The following E2F3 variants were observed in gnomAD, a reference collection of about 807,000 sequenced individuals.
E2F3 encodes the protein E2F transcription factor 3, also known as transcription factor E2F3.
Under a neutral mutation model 44.4 loss-of-function variants are expected in E2F3, and 11 were observed. The observed-to-expected ratio is 0.25, with a 90% CI of 0.16 to 0.41. The LOEUF is 0.41. Ranked by LOEUF, E2F3 falls within the 10% of genes least tolerant of loss-of-function variation. The pLI is 1.00. For synonymous variants in E2F3, 249 were observed against 253.0 expected (o/e 0.98, Z 0.15); for missense variants, 487 against 583.6 (o/e 0.83, Z 1.70).
chr6:20,427,463 C>G (rs1188257914), intron 1 of E2F3, among the ~76,000 whole-genome samples: 1 of 152,120 alleles, frequency 6.6e-6, no homozygotes, highest in African/African-American at 2.4e-5. Flanking sequence ...TAGTCAGGCA[C>G]CAGGGACCTG....
chr6:20,414,259 A>G (rs1458609879), intron 1 of E2F3, among the ~76,000 whole-genome samples: 1 of 152,164 alleles, frequency 6.6e-6, no homozygotes, highest in Non-Finnish European at 1.5e-5. Context: ...TTGGGGATCG[A>G]TGCTGTCAGG....
intron 1 of E2F3, among the ~76,000 whole-genome samples, chr6:20,464,467 A>G (rs1581633200): frequency 6.6e-6 from 1 of 152,148 alleles, no homozygotes; most frequent in East Asian, 1.9e-4. Flanking sequence ...TCCCCATTAC[A>G]GTGTTCCTGT....
intron 1 of E2F3, among the ~76,000 whole-genome samples, chr6:20,478,967 CT>C (rs1762133492): frequency 6.6e-6 from 1 of 152,186 alleles, no homozygotes; most frequent in South Asian, 2.1e-4. Context: ...AACCATCTAT[CT>C]TTTCTCTTGG....
At chr6:20,488,677 A>C (rs1453453767) in intron 6 of E2F3, among the ~76,000 whole-genome samples, 1 of 152,172 alleles carries the variant, frequency 6.6e-6, no homozygotes, top group East Asian at 1.9e-4. Flanking sequence ...TGAGATGGGG[A>C]GAGGATATGG....
rs981354242 is a variant in E2F3 at position 20,401,883 on chromosome 6, A to C, written c.-350A>C. The stretch of plus-strand genomic sequence containing the variant: ...GCGCGTAAACCGTATCCCTTCATTC[A>C]TTGTCAGCAGCAGCTTCCTGGAGCC... On this transcript the variant is annotated 5_prime_UTR_variant, in exon 1 of 7. Coordinates refer to ENST00000346618, the MANE Select transcript of E2F3 (RefSeq NM_001949.5). 4 of 357,280 alleles carry C rather than the reference A, an allele frequency of 1.1e-5. No individual in the cohort carries two copies. Among genetic ancestry groups the C allele is most frequent in the South Asian group, 5.5e-5 (1 of 18,026 alleles). The allele number at this position is 357,280 out of a possible 1,614,324, so 22.1% of individuals were successfully genotyped here.
chr6:20,434,664 G>T (rs1289933136), intron 1 of E2F3, among the ~76,000 whole-genome samples: 1 of 152,156 alleles, frequency 6.6e-6, no homozygotes, highest in African/African-American at 2.4e-5. Flanking sequence ...TTTAACTGTT[G>T]TATAGTACAG....
At chr6:20,488,056 A>G (rs908298379) in intron 5 of E2F3, 57 bp from the exon 6 acceptor site, 18 of 1,594,438 alleles carry the variant, frequency 1.1e-5, no homozygotes, top group Admixed American at 9.0e-5. Context: ...AAGAATTACT[A>G]TGGCTTTTAT....
chr6:20,423,298 A>G (rs1227034865), intron 1 of E2F3, among the ~76,000 whole-genome samples: 2 of 152,196 alleles, frequency 1.3e-5, no homozygotes, highest in African/African-American at 4.8e-5. Flanking sequence ...ACAAACCTGT[A>G]CTGTATGTTA....
At chr6:20,439,561 G>A (rs960058593) in intron 1 of E2F3, among the ~76,000 whole-genome samples, 1 of 151,954 alleles carries the variant, frequency 6.6e-6, no homozygotes, top group African/African-American at 2.4e-5. Flanking sequence ...AAAGAGACAG[G>A]GTCTCTGTCA....
At chr6:20,408,207 C>G (rs1759553445) in intron 1 of E2F3, among the ~76,000 whole-genome samples, 1 of 152,208 alleles carries the variant, frequency 6.6e-6, no homozygotes, top group Non-Finnish European at 1.5e-5. Context: ...TCTCCTTCTT[C>G]CTACCCTGAC....
At chr6:20,467,929 G>C (rs1761766949) in intron 1 of E2F3, among the ~76,000 whole-genome samples, 1 of 150,484 alleles carries the variant, frequency 6.6e-6, no homozygotes, top group African/African-American at 2.5e-5. Flanking sequence ...GGGCACCCAG[G>C]AATCAAAGGT....
At chr6:20,469,193 G>T (rs1197525986) in intron 1 of E2F3, among the ~76,000 whole-genome samples, 1 of 152,218 alleles carries the variant, frequency 6.6e-6, no homozygotes, top group Non-Finnish European at 1.5e-5. Flanking sequence ...ATACTGCAGT[G>T]AATACTGTTT....
intron 1 of E2F3, among the ~76,000 whole-genome samples, chr6:20,440,881 G>T (rs952623770): frequency 2.6e-5 from 4 of 152,060 alleles, no homozygotes; most frequent in African/African-American, 9.7e-5. Flanking sequence ...GAGGGAAAAG[G>T]GTCAGGAGTA....
At chr6:20,404,296 C>A (rs1759418730) in intron 1 of E2F3, among the ~76,000 whole-genome samples, 2 of 152,098 alleles carry the variant, frequency 1.3e-5, no homozygotes, top group Non-Finnish European at 2.9e-5. Flanking sequence ...GGTCAGTATG[C>A]GGCTTCTCTT....
At chr6:20,436,581 C>T (rs543329634) in intron 1 of E2F3, among the ~76,000 whole-genome samples, 86 of 152,204 alleles carry the variant, frequency 5.7e-4, no homozygotes, top group African/African-American at 1.8e-3. Context: ...GCCCGTGGGC[C>T]GGAGGTTGGA....
chr6:20,456,710 A>G (rs954943645), intron 1 of E2F3, among the ~76,000 whole-genome samples: 2 of 152,238 alleles, frequency 1.3e-5, no homozygotes, highest in Admixed American at 1.3e-4. Context: ...GGATTAAATA[A>G]TTTTAATTTA....
intron 1 of E2F3, among the ~76,000 whole-genome samples, chr6:20,426,615 G>A (rs373928448): frequency 2.6e-5 from 4 of 152,188 alleles, no homozygotes; most frequent in African/African-American, 4.8e-5. Context: ...TTGTGGGATC[G>A]TGGCCACACA....
intron 4 of E2F3, among the ~76,000 whole-genome samples, chr6:20,485,405 C>T (rs1762359917): frequency 6.6e-6 from 1 of 151,944 alleles, no homozygotes; most frequent in Non-Finnish European, 1.5e-5. Context: ...AGGGTAAAAC[C>T]CCATCTCTAC....
rs139915140 is a variant in E2F3 at position 20,482,900 on chromosome 6, C to T, written c.864C>T (p.Thr288=). ...QSCTLDLKLL[T]EDSENQRLAY... ...GCACCCTGGACCTCAAACTGTTAACCGAGGATTCAGAGAATCAAAGATATC... is the reference window on the plus strand; with the variant it reads ...GCACCCTGGACCTCAAACTGTTAACTGAGGATTCAGAGAATCAAAGATATC... Residue 288 remains threonine (T), a synonymous_variant, in exon 4 of 7, where the codon ACC becomes ACT. Transcript: ENST00000346618. 25 of 1,613,548 alleles carry T rather than the reference C, an allele frequency of 1.5e-5. No homozygotes were observed. The highest frequency in any genetic ancestry group is 1.6e-4 in the Middle Eastern group (1 of 6,082).
Sources: allele counts gnomAD v4.1 joint callset (sites outside exome capture counted in the v4.1 genomes callset), GRCh38; gene constraint gnomAD v4.1.1; transcripts MANE v1.5; gene names NCBI Gene and HGNC (gene_info 2026-07-23, HGNC 2026-07-21).